The following PCDHA1 variants were observed in gnomAD, a reference collection of about 807,000 sequenced individuals.
PCDHA1 encodes protocadherin alpha-1.
Under a neutral mutation model 61.3 loss-of-function variants are expected in PCDHA1, and 42 were observed. The ratio of observed to expected loss-of-function variants is 0.69; its 90% confidence interval spans 0.54 to 0.89. The LOEUF (loss-of-function observed/expected upper bound fraction) is 0.89. Among genes scored for constraint, PCDHA1 ranks in the 40% least tolerant of loss-of-function variants. The pLI is 0.00. For missense variants in PCDHA1, 1,256 were observed against 1,235.3 expected, an observed-to-expected ratio of 1.02 and a Z score of -0.25; for synonymous variants, 610 against 553.8, an observed-to-expected ratio of 1.10 and a Z score of -1.43.
chr5:140,906,194 A>C (rs543979654), intron 1 of PCDHA1, among the ~76,000 whole-genome samples: 6 of 152,288 alleles, frequency 3.9e-5, no homozygotes, highest in African/African-American at 1.2e-4. Context: ...AATCCAATCA[A>C]GTTGACACTC....
At chr5:140,927,753 C>T (rs1435866827) in intron 1 of PCDHA1, 3 of 1,614,078 alleles carry the variant, frequency 1.9e-6, no homozygotes, top group Non-Finnish European at 2.5e-6. Flanking sequence ...TTCACGTGCA[C>T]CCTAAAAGTG....
At chr5:140,821,850 A>G in intron 1 of PCDHA1, 5 of 1,614,180 alleles carry the variant, frequency 3.1e-6, no homozygotes, top group South Asian at 1.1e-5. Flanking sequence ...ACTGGAAGGC[A>G]GGGAGCGGCC....
intron 3 of PCDHA1, among the ~76,000 whole-genome samples, chr5:140,988,499 C>CTT (rs2097300398): frequency 6.6e-6 from 1 of 152,138 alleles, no homozygotes; most frequent in Non-Finnish European, 1.5e-5. Context: ...CTAGGAGAAG[C>CTT]CATGAAGCTT....
chr5:140,790,963 G>A (rs1017471210), intron 1 of PCDHA1, among the ~76,000 whole-genome samples: 2 of 152,184 alleles, frequency 1.3e-5, no homozygotes, highest in African/African-American at 4.8e-5. Context: ...TTATTTTAAT[G>A]TAAATATGAA....
In PCDHA1 at chr5:140,850,468, C is replaced by G. The variant is rs2150485398; in HGVS notation, c.2394+61784C>G. 1.3e-5 allele frequency: 20 copies of G among 1,597,798 alleles called. 4 individuals carry two copies. The highest frequency in any genetic ancestry group is 1.6e-5 in the Non-Finnish European group (19 of 1,167,656). On this transcript the variant is annotated intron_variant, in intron 1 of 3. Transcript: ENST00000504120. Reference sequence around the variant, plus strand: ...CTGGTGAAAGACCACGGGGAGCCAGCGCTGACGGCCACGGCCACTGTGCTG... The same window carrying G: ...CTGGTGAAAGACCACGGGGAGCCAGGGCTGACGGCCACGGCCACTGTGCTG...
chr5:140,866,320 C>T (rs1351694984), intron 1 of PCDHA1: 2 of 152,154 alleles, frequency 1.3e-5, no homozygotes, highest in African/African-American at 2.4e-5. Context: ...ATTTCAGGGA[C>T]CCTGAACTTG....
intron 1 of PCDHA1, among the ~76,000 whole-genome samples, chr5:140,887,600 G>A (rs1306659335): frequency 6.6e-6 from 1 of 151,812 alleles, no homozygotes; most frequent in African/African-American, 2.4e-5. Context: ...TGATTGTGAT[G>A]TGCTTTAGTA....
In PCDHA1 at chr5:140,787,376, C is replaced by A. The variant is rs547334573; in HGVS notation, c.1086C>A (p.Asp362Glu). ...CATTGTATTTGCCTATCAGAGAGGA[C>A]GCTCCACTCAGCACCGTCATCGCCC... ...VTSLYLPIRE[D>E]APLSTVIALI... Residue 362 changes from aspartate (D) to glutamate (E), a missense_variant, in exon 1 of 4, where the codon GAC becomes GAA. Transcript: ENST00000504120. The A allele has an allele frequency of 6.2e-7, 1 of 1,614,192 alleles. No homozygotes were observed. The highest frequency in any genetic ancestry group is 1.7e-5 in the Admixed American group (1 of 60,028).
At position 140,967,080 on chromosome 5, in the gene PCDHA1, T is replaced by C. The variant is rs781942171; in HGVS notation, c.2395-11869T>C. On this transcript the variant is annotated intron_variant, in intron 1 of 3. Transcript: ENST00000504120. The stretch of plus-strand genomic sequence containing the variant: ...GGAGCGCTCTTCGTCAACGAGCGCA[T>C]TGATCGGGAGGCGCTGTGTGAGCAG... 168 of 1,613,222 alleles carry C rather than the reference T, an allele frequency of 1.0e-4. No homozygotes were observed. The highest frequency in any genetic ancestry group is 3.7e-4 in the Admixed American group (22 of 60,010).
At chr5:140,914,710 G>T (rs879987412) in intron 1 of PCDHA1, among the ~76,000 whole-genome samples, 22 of 151,256 alleles carry the variant, frequency 1.5e-4, no homozygotes, top group Non-Finnish European at 2.4e-4. Flanking sequence ...TTAATTTCTT[G>T]TTTTTTATTT....
At chr5:140,822,857 A>T in intron 1 of PCDHA1, 2 of 1,614,192 alleles carry the variant, frequency 1.2e-6, no homozygotes, top group Non-Finnish European at 1.7e-6. Context: ...GTCAAAGAGG[A>T]CGCTCCACTC....
In PCDHA1 at chr5:140,786,884, A is replaced by G; in HGVS notation, c.594A>G (p.Lys198=). 1 of 1,614,206 alleles carries G rather than the reference A, an allele frequency of 6.2e-7. No homozygotes were observed. The highest frequency in any genetic ancestry group is 8.5e-7 in the Non-Finnish European group (1 of 1,180,042). The change falls in exon 1 of 4, where the codon AAA becomes AAG. Residue 198 remains lysine, a synonymous_variant. Transcript: ENST00000504120. ...AATCTCTTTGGCTTGAATTGAGAAA[A>G]TATTTGGATAGAGAAGAAACACCAG... is the stretch of plus-strand genomic sequence containing the variant. ...LSKSLWLELR[K]YLDREETPEL...
chr5:140,799,532 T>C (rs1762442276), intron 1 of PCDHA1, among the ~76,000 whole-genome samples: 1 of 152,104 alleles, frequency 6.6e-6, no homozygotes, highest in South Asian at 2.1e-4. Context: ...TACTTCTTCA[T>C]AATATAGCAC....
At chr5:140,820,300 A>G (rs2150106496) in intron 1 of PCDHA1, among the ~76,000 whole-genome samples, 151,637 of 152,098 alleles carry the variant, frequency 1, 75,590 homozygotes, top group East Asian at 1. Context: ...AAACAATTCT[A>G]TGACAATATC....
intron 1 of PCDHA1, among the ~76,000 whole-genome samples, chr5:140,799,257 G>A (rs987892756): frequency 6.6e-6 from 1 of 151,990 alleles, no homozygotes; most frequent in African/African-American, 2.4e-5. Context: ...TCAGTATGGA[G>A]TCTACTCTGC....
At chr5:141,002,491 A>G (rs1244268735) in intron 3 of PCDHA1, among the ~76,000 whole-genome samples, 1 of 152,214 alleles carries the variant, frequency 6.6e-6, no homozygotes, top group Non-Finnish European at 1.5e-5. Flanking sequence ...TGACCTTGTT[A>G]TACAGCTCAG....
intron 1 of PCDHA1, among the ~76,000 whole-genome samples, chr5:140,933,676 A>AT (rs1400784175): frequency 6.6e-6 from 1 of 151,552 alleles, no homozygotes; most frequent in Non-Finnish European, 1.5e-5. Context: ...TCTCTCTCAC[A>AT]TTTTTTTTCC....
chr5:140,896,718 T>C (rs1331880145), intron 1 of PCDHA1, among the ~76,000 whole-genome samples: 1 of 152,138 alleles, frequency 6.6e-6, no homozygotes, highest in East Asian at 1.9e-4. Context: ...TTTTGCTTGT[T>C]AATTTGTTTA....
intron 1 of PCDHA1, chr5:140,967,642 C>T (rs1554229731): frequency 1.2e-6 from 2 of 1,614,164 alleles, no homozygotes. Flanking sequence ...ATGGTGAGCT[C>T]AGGTACTCCT....
Sources: gnomAD v4.1 joint callset for allele counts (sites outside exome capture counted in the v4.1 genomes callset) on GRCh38, gnomAD v4.1.1 for gene constraint, MANE v1.5 for transcripts, NCBI Gene and HGNC (gene_info 2026-07-23, HGNC 2026-07-21) for gene names.